Variants in PRSS37 observed in about 807,000 individuals in gnomAD.
PRSS37 encodes serine protease 37, also known as probable inactive serine protease 37.
In PRSS37, 25 loss-of-function variants were observed where a neutral mutation model predicts 28.0. The observed-to-expected ratio is 0.89, with a 90% CI of 0.65 to 1.25. The LOEUF (loss-of-function observed/expected upper bound fraction) is 1.25. Among genes scored for constraint, PRSS37 ranks in the 50% most tolerant of loss-of-function variants. PRSS37 has a pLI of 0.00. For missense variants in PRSS37, 282 were observed against 292.2 expected, an observed-to-expected ratio of 0.97 and a Z score of 0.25; for synonymous variants, 109 against 107.8, an observed-to-expected ratio of 1.01 and a Z score of -0.07.
Position 141,841,380 on chromosome 7 carries a change from GGCA to G in PRSS37, c.-334_-332del. ...AGGTAGTTCAGTTGTCTGTGGAAAT[GGCA>G]GCTCTAGGCTCAGGACTTATCTTCC... is the stretch of plus-strand genomic sequence containing the variant. On this transcript the variant is annotated 5_prime_UTR_variant, in exon 1 of 5. Coordinates refer to ENST00000350549, the MANE Select transcript of PRSS37 (RefSeq NM_001008270.3). The G allele has an allele frequency of 3.1e-6, 1 of 318,698 alleles. No homozygotes were observed. Among genetic ancestry groups the G allele is most frequent in the South Asian group, 3.0e-5 (1 of 32,882 alleles). 19.7% of individuals were successfully genotyped at this position (318,698 alleles called of 1,614,324 possible).
chr7:141,838,474 G>A (rs1801043359), intron 2 of PRSS37: 1 of 1,145,112 alleles, frequency 8.7e-7, no homozygotes, highest in Non-Finnish European at 1.1e-6. Flanking sequence ...AAATAACCTA[G>A]TTCTGGGTGT....
intron 4 of PRSS37, 152 bp downstream of exon 4, chr7:141,836,960 T>C (rs1240205535): frequency 1.3e-6 from 1 of 751,316 alleles, no homozygotes; most frequent in Non-Finnish European, 2.2e-6. Context: ...TTTAAGGGGA[T>C]CCCATTACTG....
intron 1 of PRSS37, among the ~76,000 whole-genome samples, chr7:141,839,987 TTAAAC>T (rs1801102030): frequency 2.6e-5 from 4 of 152,084 alleles, no homozygotes; most frequent in Admixed American, 2.0e-4. Flanking sequence ...ATAATAAAAA[TTAAAC>T]TAATTAGAAT....
At position 141,838,160 on chromosome 7, in the gene PRSS37, TTGC is replaced by T. The variant is rs758830519; in HGVS notation, c.177-50_177-48del. The T allele has an allele frequency of 2.5e-6, 4 of 1,610,230 alleles. No individual in the cohort carries two copies. The South Asian group carries it at 4.4e-5, about 18-fold the overall frequency. Reference sequence around the variant, plus strand: ...GTAATCATCATCATCATCATCATCATTGCTAAGATACTGAATGTTACAAAGTGC... The same window carrying T: ...GTAATCATCATCATCATCATCATCATTAAGATACTGAATGTTACAAAGTGC... On this transcript the variant is annotated intron_variant, in intron 2 of 4. Transcript: ENST00000350549.
intron 4 of PRSS37, 78 bp from the exon 5 acceptor site, chr7:141,836,613 G>A (rs1209226034): frequency 4.0e-6 from 6 of 1,500,530 alleles, no homozygotes; most frequent in South Asian, 3.6e-5. Context: ...CTAGTGTCCC[G>A]CTTGGGTGAG....
At chr7:141,838,351 TTTTAATG>T in intron 2 of PRSS37, 1 of 1,380,614 alleles carries the variant, frequency 7.2e-7, no homozygotes, top group Middle Eastern at 2.6e-4. Flanking sequence ...CTTCACTACA[TTTTAATG>T]TTGTGTTCTT....
chr7:141,841,163 A>G lies in PRSS37; in HGVS notation c.-114T>C, dbSNP rs1359195760. ...GTAGACTCAGTGGCTATGGTTAGAT[A>G]CGGAGGCACTCCATGGGATTGGAAA... On this transcript the variant is annotated 5_prime_UTR_variant, in exon 1 of 5. Transcript: ENST00000350549. 6.4e-7 allele frequency: 1 copy of G among 1,566,234 alleles called. No homozygotes were observed. Among genetic ancestry groups the G allele is most frequent in the African/African-American group, 1.4e-5 (1 of 73,974 alleles).
At position 141,838,074 on chromosome 7, in the gene PRSS37, G is replaced by A. The variant is rs758575550; in HGVS notation, c.216C>T (p.Val72=). ...TAATTGTCTGTTCAGTACCGTCTCT[G>A]ACTCTGCTCTTGAAATTTCCCAGCA... ...KVMLGNFKSR[V]RDGTEQTINP... is the part of the protein sequence containing the mutation. Residue 72 remains valine, a synonymous_variant, in exon 3 of 5, where the codon GTC becomes GTT. Coordinates refer to ENST00000350549, the MANE Select transcript of PRSS37 (RefSeq NM_001008270.3). 8 of 1,613,962 alleles carry A rather than the reference G, an allele frequency of 5.0e-6. No homozygotes were observed. Among genetic ancestry groups the A allele is most frequent in the Admixed American group, 1.7e-5 (1 of 59,986 alleles).
chr7:141,836,509 G>C lies in PRSS37; in HGVS notation c.594C>G (p.Cys198Trp). The C allele has an allele frequency of 6.2e-7, 1 of 1,614,040 alleles. No individual in the cohort carries two copies. The highest frequency in any genetic ancestry group is 8.5e-7 in the Non-Finnish European group (1 of 1,180,000). Residue 198 changes from cysteine to tryptophan, a missense_variant, in exon 5 of 5, where the codon TGC becomes TGG. Physicochemically the swap from Cys to Trp is radical, Grantham distance 215. Coordinates refer to ENST00000350549, the MANE Select transcript of PRSS37 (RefSeq NM_001008270.3). Reference protein sequence around the residue: ...FGEVAVATVICKDKLQGIEVG... With the variant: ...FGEVAVATVIWKDKLQGIEVG... Reference sequence around the variant, plus strand: ...CCTCGATTCCCTGGAGCTTGTCTTTGCAGATGACAGTAGCAACGGCCACCT... The same window carrying C: ...CCTCGATTCCCTGGAGCTTGTCTTTCCAGATGACAGTAGCAACGGCCACCT...
chr7:141,840,395 T>G (rs1212130861), intron 1 of PRSS37, among the ~76,000 whole-genome samples: 2 of 152,190 alleles, frequency 1.3e-5, no homozygotes, highest in Non-Finnish European at 2.9e-5. Flanking sequence ...CCCTTCTGTG[T>G]GATCACACAG....
At chr7:141,837,553 G>A in intron 3 of PRSS37, 2 of 1,498,658 alleles carry the variant, frequency 1.3e-6, no homozygotes, top group Non-Finnish European at 1.8e-6. Flanking sequence ...TGAGAAGTAG[G>A]ACCACACCTT....
At position 141,836,665 on chromosome 7, in the gene PRSS37, G is replaced by A. The variant is rs960903425; in HGVS notation, c.568-130C>T. 74 of 952,468 alleles carry A rather than the reference G, an allele frequency of 7.8e-5. No individual in the cohort carries two copies. The African/African-American group carries it at 9.0e-4, about 12-fold the overall frequency. The allele number at this position is 952,468 out of a possible 1,614,324, so 59.0% of individuals were successfully genotyped here. A position where few individuals can be genotyped will look rare whatever the true frequency, so the allele number is the denominator to read the frequency against. On this transcript the variant is annotated intron_variant, in intron 4 of 4. Transcript: ENST00000350549. ...ATGCTGGACTCTTGAAAAGAGCACC[G>A]AATCAGGGGACAGGATGCTTGAGCC...
chr7:141,837,486 A>G (rs1304377816), intron 3 of PRSS37: 1 of 1,253,870 alleles, frequency 8.0e-7, no homozygotes, highest in Non-Finnish European at 1.1e-6. Context: ...GTCTTGGAGA[A>G]CTAAATGACC....
rs140545353 is a variant in PRSS37, at chr7:141,841,073, G to C, written c.-24C>G. Reference sequence around the variant, plus strand: ...ATGGTGATCCAGCTCTTCCCCCTGTGAGATGTAGAAGAAAATCAGCAGAGT... The same window carrying C: ...ATGGTGATCCAGCTCTTCCCCCTGTCAGATGTAGAAGAAAATCAGCAGAGT... On this transcript the variant is annotated 5_prime_UTR_variant, in exon 1 of 5. Transcript: ENST00000350549. 3 of 1,613,414 alleles carry C rather than the reference G, an allele frequency of 1.9e-6. No individual in the cohort carries two copies. In the East Asian group the frequency reaches 6.7e-5, roughly 36 times the overall value.
In PRSS37 at chr7:141,837,908, C is replaced by G. The variant is rs1563051849; in HGVS notation, c.382G>C (p.Gly128Arg). 6.2e-7 allele frequency: 1 copy of G among 1,614,054 alleles called. No individual in the cohort carries two copies. The highest frequency in any genetic ancestry group is 8.5e-7 in the Non-Finnish European group (1 of 1,179,986). The stretch of plus-strand genomic sequence containing the variant: ...AAACCTGAGAGTAGACAGACAGTGC[C>G]TGGCCTGACATTGGTGGTGGCGAGG... The part of the protein sequence containing the change: ...LTLATTNVRP[G>R]TVCLLSGLDW... Residue 128 changes from glycine (G) to arginine (R), a missense_variant, in exon 3 of 5, where the codon GGC becomes CGC. By Grantham distance (125) the Gly-to-Arg change is moderately radical (BLOSUM62 -2). Transcript: ENST00000350549.
intron 3 of PRSS37, 168 bp downstream of exon 3, chr7:141,837,692 A>G: frequency 6.5e-7 from 1 of 1,535,554 alleles, no homozygotes; most frequent in East Asian, 2.4e-5. Context: ...GGAAAGGAGG[A>G]GCTTTGTTCC....
At chr7:141,836,994 C>T (rs1800979847) in intron 4 of PRSS37, 118 bp downstream of exon 4, 6 of 1,038,984 alleles carry the variant, frequency 5.8e-6, no homozygotes, top group South Asian at 2.9e-5. Flanking sequence ...GGCTTTGCAG[C>T]AGCCTTATCA....
intron 2 of PRSS37, 129 bp downstream of exon 2, chr7:141,839,209 G>T (rs1015342708): frequency 8.7e-5 from 79 of 906,818 alleles, no homozygotes; most frequent in Non-Finnish European, 1.3e-4. Flanking sequence ...CTGCCCCCTG[G>T]TTGTGACAAC....
chr7:141,838,517 A>T, intron 2 of PRSS37: 1 of 1,010,674 alleles, frequency 9.9e-7, no homozygotes, highest in South Asian at 2.7e-5. Context: ...ATGCACTAAC[A>T]GTCCTATTCC....
Sources: gnomAD v4.1 joint callset for allele counts (sites outside exome capture counted in the v4.1 genomes callset) on GRCh38, gnomAD v4.1.1 for gene constraint, MANE v1.5 for transcripts, NCBI Gene and HGNC (gene_info 2026-07-23, HGNC 2026-07-21) for gene names.